MCM2: variants seen among roughly 807,000 people sequenced by gnomAD.
MCM2 encodes the protein DNA replication licensing factor MCM2.
MCM2 carries 49 observed loss-of-function variants against 86.4 expected under a neutral mutation model. That is an observed-to-expected ratio of 0.57 (90% confidence interval 0.45 to 0.72). MCM2 has a LOEUF of 0.72. Among genes scored for constraint, MCM2 ranks in the 30% least tolerant of loss-of-function variants. The pLI is 0.00. For missense variants in MCM2, 1,038 were observed against 1,259.9 expected (o/e 0.82, Z 2.67); for synonymous variants, 475 against 484.6 (o/e 0.98, Z 0.26).
rs148533176 is a variant in MCM2 at position 127,606,295 on chromosome 3, G to A, written c.851G>A (p.Arg284His). ...YDRITNHIHV[R>H]ISHLPLVEEL... ...CGCATCACCAACCACATCCATGTCCGCATCTCCCACCTGCCTCTGGTGGAG... is the reference window on the plus strand; with the variant it reads ...CGCATCACCAACCACATCCATGTCCACATCTCCCACCTGCCTCTGGTGGAG... Residue 284 changes from arginine (R) to histidine (H), a missense_variant, in exon 5 of 16, where the codon CGC becomes CAC. Around this residue, in one of 4 missense-constraint regions of MCM2, gnomAD observed 399 missense variants for 507.2 expected, o/e 0.79. Transcript: ENST00000265056. This position sits in a 1 kb window ranked among gnomAD's most constrained non-coding sequence, Gnocchi z 4.2. 16 of 1,614,232 alleles carry A rather than the reference G, an allele frequency of 9.9e-6. No individual in the cohort carries two copies. Among genetic ancestry groups the A allele is most frequent in the African/African-American group, 1.3e-5 (1 of 75,066 alleles).
At chr3:127,616,048 G>A (rs1375207003) in intron 9 of MCM2, 93 bp downstream of exon 9, 10 of 1,013,156 alleles carry the variant, frequency 9.9e-6, no homozygotes, top group South Asian at 3.9e-5. Context: ...TAAAGCCTGG[G>A]TGCTGGGGAG....
At chr3:127,598,511 A>G (rs1044958330) in intron 1 of MCM2, 39 bp downstream of exon 1, 2 of 1,608,708 alleles carry the variant, frequency 1.2e-6, no homozygotes, top group African/African-American at 1.3e-5. Context: ...CGCCGGGGAC[A>G]TGGGTGCGGA....
In MCM2 at chr3:127,606,171, G is replaced by A. The variant is rs772891132; in HGVS notation, c.727G>A (p.Val243Met). 1 of 1,614,234 alleles carries A rather than the reference G, an allele frequency of 6.2e-7. No individual in the cohort carries two copies. The highest frequency in any genetic ancestry group is 8.5e-7 in the Non-Finnish European group (1 of 1,180,044). ...NYEDLAAREH[V>M]LAYFLPEAPA... The stretch of plus-strand genomic sequence containing the variant: ...TGAGGACTTGGCAGCCAGGGAGCAC[G>A]TGCTGGCCTACTTCCTGCCTGAGGC... Residue 243 changes from valine to methionine, a missense_variant, in exon 5 of 16, where the codon GTG (valine) becomes ATG (methionine). Physicochemically the swap from Val to Met is conservative, Grantham distance 21. This residue lies in a region of MCM2 where 399 missense variants were observed against 507.2 expected (regional missense o/e 0.79). Coordinates refer to ENST00000265056, the MANE Select transcript of MCM2 (RefSeq NM_004526.4). This position sits in a 1 kb window ranked among gnomAD's most constrained non-coding sequence, Gnocchi z 4.2.
At position 127,617,253 on chromosome 3, in the gene MCM2, A is replaced by G. The variant is rs747991443; in HGVS notation, c.1774-26A>G. 3.7e-6 allele frequency: 6 copies of G among 1,613,784 alleles called. No homozygotes were observed. In the Admixed American group the frequency reaches 8.3e-5, roughly 22 times the overall value. On this transcript the variant is annotated intron_variant, in intron 10 of 15. Transcript: ENST00000265056. This position sits in a 1 kb window ranked among gnomAD's most constrained non-coding sequence, Gnocchi z 4.1. ...TAGTAGTAGGGGCGTGAACCATGCTAAGGGTGGGCCATTTTAATCTTGCAG... is the reference window on the plus strand; with the variant it reads ...TAGTAGTAGGGGCGTGAACCATGCTGAGGGTGGGCCATTTTAATCTTGCAG...
In MCM2 at chr3:127,608,871, C is replaced by G. The variant is rs369473650; in HGVS notation, c.1276C>G (p.Leu426Val). 1 of 1,614,188 alleles carries G rather than the reference C, an allele frequency of 6.2e-7. No individual in the cohort carries two copies. Among genetic ancestry groups the G allele is most frequent in the Non-Finnish European group, 8.5e-7 (1 of 1,180,028 alleles). The change falls in exon 8 of 16, where the codon CTC (leucine) becomes GTC (valine). Residue 426 changes from leucine (L) to valine (V), a missense_variant. Physicochemically the swap from Leu to Val is conservative, Grantham distance 32. Coordinates refer to ENST00000265056, the MANE Select transcript of MCM2 (RefSeq NM_004526.4). ...GIYHNNYDGSLNTANGFPVFA... is the reference protein window; with the variant it reads ...GIYHNNYDGSVNTANGFPVFA... ...CTATCACAACAACTATGATGGCTCC[C>G]TCAACACTGCCAATGGCTTCCCTGT...
In MCM2 at chr3:127,619,082, A is replaced by C; in HGVS notation, c.2069A>C (p.Asn690Thr). 1 of 1,612,816 alleles carries C rather than the reference A, an allele frequency of 6.2e-7. No homozygotes were observed. The highest frequency in any genetic ancestry group is 8.5e-7 in the Non-Finnish European group (1 of 1,179,168). ...AGCCACGTCAGACACCACCCCAGCA[A>C]CAAGGAGGAGGAGGGGCTGGCCAAT... ...VGSHVRHHPSNKEEEGLANGS... is the reference protein window; with the variant it reads ...VGSHVRHHPSTKEEEGLANGS... Residue 690 changes from asparagine to threonine, a missense_variant, in exon 13 of 16, where the codon AAC becomes ACC. By Grantham distance (65) the Asn-to-Thr change is moderately conservative. Around this residue, in one of 4 missense-constraint regions of MCM2, gnomAD observed 336 missense variants for 425.7 expected, o/e 0.79. Coordinates refer to ENST00000265056, the MANE Select transcript of MCM2 (RefSeq NM_004526.4).
intron 6 of MCM2, 110 bp from the exon 7 acceptor site, chr3:127,608,272 C>T (rs1460861947): frequency 1.4e-6 from 2 of 1,397,324 alleles, no homozygotes; most frequent in East Asian, 4.6e-5. Flanking sequence ...TTTGGCTCTC[C>T]ATTTGCCACT....
chr3:127,613,721 A>G (rs1253335917), intron 8 of MCM2, among the ~76,000 whole-genome samples: 1 of 152,236 alleles, frequency 6.6e-6, no homozygotes, highest in Non-Finnish European at 1.5e-5. Context: ...AGAATGGTGT[A>G]GTGAACTTTG....
rs1197937893 is a variant in MCM2 at position 127,621,983 on chromosome 3, G to A, written c.*210G>A. On this transcript the variant is annotated 3_prime_UTR_variant, in exon 16 of 16. Coordinates refer to ENST00000265056, the MANE Select transcript of MCM2 (RefSeq NM_004526.4). ...CACCTTTGGGTGGGATGCCTTGCCA[G>A]TGTGTCTTACTTGGTTGCTGAACAT... The A allele has an allele frequency of 3.8e-6, 2 of 526,428 alleles. No homozygotes were observed. The highest frequency in any genetic ancestry group is 3.3e-5 in the East Asian group (1 of 30,212). The allele number at this position is 526,428 out of a possible 1,614,324, so 32.6% of individuals were successfully genotyped here.
intron 6 of MCM2, among the ~76,000 whole-genome samples, chr3:127,607,687 C>T (rs1461483791): frequency 6.6e-6 from 1 of 152,230 alleles, no homozygotes; most frequent in Non-Finnish European, 1.5e-5. Context: ...AGCTATCATT[C>T]ATGGAGTAAC....
At chr3:127,604,464 T>C (rs1239219796) in intron 2 of MCM2, 144 bp from the exon 3 acceptor site, 1 of 745,166 alleles carries the variant, frequency 1.3e-6, no homozygotes, top group African/African-American at 1.7e-5. Flanking sequence ...TTTCTGAGCC[T>C]TCTGTGTTTC....
At chr3:127,619,299 G>T (rs2307316) in intron 13 of MCM2, 21 bp downstream of exon 13, 2 of 1,607,198 alleles carry the variant, frequency 1.2e-6, no homozygotes, top group Non-Finnish European at 1.7e-6. Context: ...AGGCAGAGCC[G>T]GGAGGTGCTA....
chr3:127,621,587 G>A, intron 15 of MCM2, 76 bp from the exon 16 acceptor site: 1 of 901,780 alleles, frequency 1.1e-6, no homozygotes, highest in Non-Finnish European at 1.8e-6. Context: ...GTCTGAAAGT[G>A]CACTGTAACT....
intron 1 of MCM2, chr3:127,598,753 G>T (rs1292021605): frequency 4.0e-6 from 2 of 495,030 alleles, no homozygotes. Context: ...GGCGCTGAGC[G>T]TACAAAAGAC....
chr3:127,610,198 A>G (rs2074384261), intron 8 of MCM2, among the ~76,000 whole-genome samples: 1 of 152,144 alleles, frequency 6.6e-6, no homozygotes, highest in Admixed American at 6.5e-5. Context: ...TTCGCCCTTT[A>G]ACCTCCACTC....
In MCM2 at chr3:127,603,158, G is replaced by A. The variant is rs1003919715; in HGVS notation, c.237-1450G>A. Among the ~76,000 whole-genome samples the A allele has an allele frequency of 2.7e-5, 4 of 150,922 alleles. No individual in the cohort carries two copies. The South Asian group carries it at 6.3e-4, about 24-fold the overall frequency. On this transcript the variant is annotated intron_variant, in intron 2 of 15. Transcript: ENST00000265056. ...TGGGACTACAGGCGCCCACCACCGC[G>A]CCCAAGTAATTTTTGTATTTTTAGT...
intron 6 of MCM2, among the ~76,000 whole-genome samples, chr3:127,608,001 T>C (rs924412874): frequency 6.6e-6 from 1 of 152,212 alleles, no homozygotes; most frequent in African/African-American, 2.4e-5. Context: ...ATTAGGTTGA[T>C]GTATGTATGA....
chr3:127,604,966 C>T lies in MCM2; in HGVS notation c.483C>T (p.Gly161=), dbSNP rs372044409. The change falls in exon 4 of 16, where the codon GGC becomes GGT. Residue 161 remains glycine (G), a synonymous_variant. Coordinates refer to ENST00000265056, the MANE Select transcript of MCM2 (RefSeq NM_004526.4). The part of the protein sequence containing the change: ...RRQVERATED[G]EEDEEMIESI... ...AGGTGGAGCGGGCCACGGAGGACGG[C>T]GAGGAGGACGAGGAGATGATCGAGA... The T allele has an allele frequency of 6.2e-6, 10 of 1,606,390 alleles. No individual in the cohort carries two copies. Among genetic ancestry groups the T allele is most frequent in the South Asian group, 3.3e-5 (3 of 90,822 alleles).
intron 8 of MCM2, among the ~76,000 whole-genome samples, chr3:127,612,584 G>A (rs1179706671): frequency 1.3e-5 from 2 of 152,242 alleles, no homozygotes; most frequent in Non-Finnish European, 2.9e-5. Flanking sequence ...CAGGCGTGTA[G>A]AAAGCATAAG....
Sources: gnomAD v4.1 joint callset for allele counts (sites outside exome capture counted in the v4.1 genomes callset) on GRCh38, gnomAD v4.1.1 for gene constraint, gnomAD v4.1.1 regional missense constraint, Gnocchi (gnomAD v3.1) non-coding constraint, MANE v1.5 for transcripts, NCBI Gene and HGNC (gene_info 2026-07-23, HGNC 2026-07-21) for gene names.